The following SEMA6D variants were observed in gnomAD, a reference collection of about 807,000 sequenced individuals.
The protein encoded by SEMA6D is semaphorin-6D.
In SEMA6D, 35 loss-of-function variants were observed where a neutral mutation model predicts 106.6. That is an observed-to-expected ratio of 0.33 (90% CI 0.25 to 0.44). SEMA6D has a LOEUF of 0.44. Ranked by LOEUF, SEMA6D falls within the 20% of genes least tolerant of loss-of-function variation. SEMA6D has a pLI of 1.00. For synonymous variants in SEMA6D, 499 were observed against 487.7 expected (o/e 1.02, Z -0.31); for missense variants, 1,185 against 1,345.9 (o/e 0.88, Z 1.87).
chr15:47,305,199 T>C lies in SEMA6D; in HGVS notation c.-238-107194T>C, dbSNP rs114725952. On this transcript the variant is annotated intron_variant, in intron 1 of 19. Coordinates refer to the SEMA6D transcript ENST00000558014. ...AGGTGATTATTATGTCTTTTAAAAT[T>C]TGGCCAACTGACTTAGAATATAGTG... is the stretch of plus-strand genomic sequence containing the variant. Among the ~76,000 whole-genome samples, 986 of 152,294 alleles carry C rather than the reference T, an allele frequency of 6.5e-3. 14 individuals carry two copies. The highest frequency in any genetic ancestry group is 0.023 in the African/African-American group (940 of 41,566).
intron 1 of SEMA6D, among the ~76,000 whole-genome samples, chr15:47,312,963 A>G (rs951131454): frequency 6.6e-6 from 1 of 152,100 alleles, no homozygotes. Flanking sequence ...CCCTTTTTAT[A>G]GACTTTATTT....
intron 1 of SEMA6D, among the ~76,000 whole-genome samples, chr15:47,719,292 G>A (rs1265433163): frequency 1.3e-5 from 2 of 152,144 alleles, no homozygotes; most frequent in Non-Finnish European, 2.9e-5. Flanking sequence ...CCGTCAGCTG[G>A]ATGATCTCAC....
chr15:47,590,997 C>T (rs543892191), intron 3 of SEMA6D, among the ~76,000 whole-genome samples: 324 of 152,270 alleles, frequency 2.1e-3, no homozygotes, highest in African/African-American at 7.6e-3. Flanking sequence ...TGTCTTAGTC[C>T]ATTCCTGGTG....
chr15:47,284,631 A>G (rs2035278910), intron 1 of SEMA6D, among the ~76,000 whole-genome samples: 1 of 152,234 alleles, frequency 6.6e-6, no homozygotes, highest in African/African-American at 2.4e-5. Flanking sequence ...TGAATGTGCT[A>G]CAGAATTATG....
chr15:47,332,708 C>T (rs890769742), intron 1 of SEMA6D, among the ~76,000 whole-genome samples: 1 of 152,158 alleles, frequency 6.6e-6, no homozygotes, highest in African/African-American at 2.4e-5. Context: ...GCATGCCTGG[C>T]CGTGATCTTA....
intron 3 of SEMA6D, among the ~76,000 whole-genome samples, chr15:47,600,458 A>G (rs1056116480): frequency 6.6e-6 from 1 of 152,138 alleles, no homozygotes; most frequent in African/African-American, 2.4e-5. Flanking sequence ...AGCCCAAACA[A>G]ATGTTTCTCT....
rs142022129 is a variant in SEMA6D, at chr15:47,359,154, C to T, written c.-238-53239C>T. 3.5e-4 allele frequency among the ~76,000 whole-genome samples: 54 copies of T among 152,124 alleles called. No individual in the cohort carries two copies. The East Asian group carries it at 7.4e-3, about 21-fold the overall frequency. On this transcript the variant is annotated intron_variant, in intron 1 of 19. Coordinates refer to the SEMA6D transcript ENST00000558014. ...CCAGCACAGTGATTTATATATGTCACTGTGTGTGTATATATTTCTGTGTAT... is the reference window on the plus strand; with the variant it reads ...CCAGCACAGTGATTTATATATGTCATTGTGTGTGTATATATTTCTGTGTAT...
chr15:47,223,246 C>T (rs1332379599), intron 1 of SEMA6D, among the ~76,000 whole-genome samples: 1 of 152,106 alleles, frequency 6.6e-6, no homozygotes, highest in Non-Finnish European at 1.5e-5. Flanking sequence ...CAAAACTTAT[C>T]AATCTATGTT....
chr15:47,472,528 C>T (rs144270865), intron 3 of SEMA6D, among the ~76,000 whole-genome samples: 2,358 of 152,282 alleles, frequency 0.015, 46 homozygotes, highest in African/African-American at 0.036. Context: ...GTAGAAGGAA[C>T]ATGGGGCTTT....
intron 1 of SEMA6D, among the ~76,000 whole-genome samples, chr15:47,185,353 T>G (rs1190074204): frequency 6.6e-6 from 1 of 152,138 alleles, no homozygotes; most frequent in Non-Finnish European, 1.5e-5. Flanking sequence ...AATTAAACCC[T>G]CAGGAACAGG....
intron 1 of SEMA6D, among the ~76,000 whole-genome samples, chr15:47,267,034 A>T (rs2142187230): frequency 6.6e-6 from 1 of 152,256 alleles, no homozygotes; most frequent in Middle Eastern, 3.4e-3. Flanking sequence ...CATCTCCAGT[A>T]ATTCTACCGG....
At chr15:47,328,926 A>G (rs960586037) in intron 1 of SEMA6D, among the ~76,000 whole-genome samples, 1 of 152,236 alleles carries the variant, frequency 6.6e-6, no homozygotes. Flanking sequence ...GTAGACTTTC[A>G]TCAATCAAGA....
chr15:47,320,631 C>G (rs1016154305), intron 1 of SEMA6D, among the ~76,000 whole-genome samples: 1 of 152,160 alleles, frequency 6.6e-6, no homozygotes, highest in Non-Finnish European at 1.5e-5. Flanking sequence ...CATACCTTAC[C>G]TCTTTCATGC....
chr15:47,266,299 C>T (rs987183249), intron 1 of SEMA6D, among the ~76,000 whole-genome samples: 1 of 152,056 alleles, frequency 6.6e-6, no homozygotes, highest in African/African-American at 2.4e-5. Context: ...ACAAAGTCTG[C>T]TCCTTTGAAA....
intron 4 of SEMA6D, among the ~76,000 whole-genome samples, chr15:47,702,699 A>C (rs1449159283): frequency 6.6e-6 from 1 of 152,232 alleles, no homozygotes; most frequent in Non-Finnish European, 1.5e-5. Context: ...GAAATGAGCT[A>C]TCAATCTATG....
chr15:47,282,372 C>G (rs1476440768), intron 1 of SEMA6D, among the ~76,000 whole-genome samples: 2 of 152,024 alleles, frequency 1.3e-5, no homozygotes, highest in Admixed American at 1.3e-4. Context: ...TGATATTAAT[C>G]CTGATTTTCA....
Position 47,444,226 on chromosome 15 carries a change from G to A in SEMA6D, c.-158-26248G>A, listed in dbSNP as rs138854907. On this transcript the variant is annotated intron_variant, in intron 2 of 19. Coordinates refer to the SEMA6D transcript ENST00000558014. ...CACATGCACATACACACCCACACAC[G>A]CAGTTACTAACAATACAGAGGAGAT... 2.7e-3 allele frequency among the ~76,000 whole-genome samples: 406 copies of A among 152,250 alleles called. No individual in the cohort carries two copies. The Middle Eastern group carries it at 0.041, about 15-fold the overall frequency.
At chr15:47,391,451 G>A (rs1249726770) in intron 1 of SEMA6D, among the ~76,000 whole-genome samples, 1 of 152,100 alleles carries the variant, frequency 6.6e-6, no homozygotes, top group Non-Finnish European at 1.5e-5. Context: ...ATCAGACAAT[G>A]GTTCCTATTA....
At chr15:47,357,216 C>T (rs1357228077) in intron 1 of SEMA6D, among the ~76,000 whole-genome samples, 1 of 152,030 alleles carries the variant, frequency 6.6e-6, no homozygotes, top group Non-Finnish European at 1.5e-5. Flanking sequence ...CACCTGTAGT[C>T]CCAGCTACTC....
Sources: allele counts gnomAD v4.1 joint callset (sites outside exome capture counted in the v4.1 genomes callset), GRCh38; gene constraint gnomAD v4.1.1; transcripts MANE v1.5; gene names NCBI Gene and HGNC (gene_info 2026-07-23, HGNC 2026-07-21).